Variants in ADAMTS17 observed in about 807,000 individuals in gnomAD.
The protein encoded by ADAMTS17 is ADAM metallopeptidase with thrombospondin type 1 motif 17, also known as A disintegrin and metalloproteinase with thrombospondin motifs 17.
Under a neutral mutation model 141.5 loss-of-function variants are expected in ADAMTS17, and 113 were observed. The observed-to-expected ratio is 0.80, with a 90% CI of 0.69 to 0.93. The LOEUF (loss-of-function observed/expected upper bound fraction) is 0.93. ADAMTS17 is among the 40% of genes least tolerant of loss of function. ADAMTS17 has a pLI of 0.00. For missense variants in ADAMTS17, 1,659 were observed against 1,517.9 expected (o/e 1.09, Z -1.54); for synonymous variants, 768 against 630.6 (o/e 1.22, Z -3.27).
chr15:100,090,839 C>A (rs996367362), intron 15 of ADAMTS17, among the ~76,000 whole-genome samples: 3 of 145,980 alleles, frequency 2.1e-5, no homozygotes, highest in Non-Finnish European at 4.6e-5. Flanking sequence ...AACCCCATCT[C>A]TACTAAATAA....
At chr15:100,096,822 C>A (rs1358102022) in intron 14 of ADAMTS17, among the ~76,000 whole-genome samples, 1 of 152,208 alleles carries the variant, frequency 6.6e-6, no homozygotes, top group Non-Finnish European at 1.5e-5. Context: ...GAAGCCTGAA[C>A]CCTCACACCA....
chr15:100,217,778 C>A (rs2042014740), intron 7 of ADAMTS17, among the ~76,000 whole-genome samples: 1 of 152,118 alleles, frequency 6.6e-6, no homozygotes, highest in African/African-American at 2.4e-5. Context: ...TGATATTTGC[C>A]AATCATCTAT....
Position 99,997,957 on chromosome 15 carries a change from T to C in ADAMTS17, c.2592-368A>G, listed in dbSNP as rs1462759437. Reference sequence around the variant, plus strand: ...GCTGGCGGCGTCCCGGCAGAAGCTCTGAATGTGGTTATGTGGTTTGGCTCT... The same window carrying C: ...GCTGGCGGCGTCCCGGCAGAAGCTCCGAATGTGGTTATGTGGTTTGGCTCT... On this transcript the variant is annotated intron_variant, in intron 18 of 21. Transcript: ENST00000268070. The surrounding 1 kb of genome is among the most constrained non-coding windows in gnomAD (Gnocchi z 4.7). 6.6e-6 allele frequency among the ~76,000 whole-genome samples: 1 copy of C among 152,230 alleles called. No homozygotes were observed. The highest frequency in any genetic ancestry group is 1.5e-5 in the Non-Finnish European group (1 of 68,036).
At chr15:100,288,094 G>A (rs915103666) in intron 3 of ADAMTS17, among the ~76,000 whole-genome samples, 1 of 152,198 alleles carries the variant, frequency 6.6e-6, no homozygotes, top group Non-Finnish European at 1.5e-5. Context: ...AGAAACAACT[G>A]TATGCTGTCT....
chr15:100,279,346 GGCCAGCCC>G (rs1282837854), intron 4 of ADAMTS17, among the ~76,000 whole-genome samples: 4 of 152,166 alleles, frequency 2.6e-5, no homozygotes, highest in Non-Finnish European at 5.9e-5. Context: ...CTGTGGCCTG[GGCCAGCCC>G]AGGCTCTGCA....
At chr15:100,259,866 C>G (rs1567444837) in intron 6 of ADAMTS17, among the ~76,000 whole-genome samples, 1 of 152,124 alleles carries the variant, frequency 6.6e-6, no homozygotes, top group African/African-American at 2.4e-5. Flanking sequence ...TCTTTTGAGA[C>G]AGAGTTTCAC....
At chr15:100,028,754 T>C (rs2029872503) in intron 18 of ADAMTS17, among the ~76,000 whole-genome samples, 1 of 152,220 alleles carries the variant, frequency 6.6e-6, no homozygotes, top group Non-Finnish European at 1.5e-5. Flanking sequence ...TGCTTCTGCT[T>C]CTCAGGGTTC....
chr15:100,174,930 C>T (rs1423019288), intron 8 of ADAMTS17, among the ~76,000 whole-genome samples: 3 of 152,112 alleles, frequency 2.0e-5, no homozygotes, highest in Non-Finnish European at 4.4e-5. Flanking sequence ...GTGTTCCATA[C>T]AAAAAAGCCT....
intron 3 of ADAMTS17, among the ~76,000 whole-genome samples, chr15:100,317,023 T>A (rs2045586787): frequency 6.6e-6 from 1 of 152,186 alleles, no homozygotes; most frequent in Non-Finnish European, 1.5e-5. Context: ...ATCATAGTTT[T>A]TAGAGTGATA....
chr15:100,174,961 G>T (rs2040284647), intron 8 of ADAMTS17, among the ~76,000 whole-genome samples: 1 of 152,110 alleles, frequency 6.6e-6, no homozygotes, highest in African/African-American at 2.4e-5. Context: ...ATAAAGGGTG[G>T]TACCAGCAGG....
intron 15 of ADAMTS17, among the ~76,000 whole-genome samples, chr15:100,087,018 A>C (rs944518974): frequency 6.6e-6 from 1 of 152,192 alleles, no homozygotes; most frequent in African/African-American, 2.4e-5. Context: ...AAATAGAGAC[A>C]CAAAAAACCC....
intron 3 of ADAMTS17, among the ~76,000 whole-genome samples, chr15:100,328,070 G>C (rs1442557921): frequency 6.6e-6 from 1 of 152,134 alleles, no homozygotes; most frequent in African/African-American, 2.4e-5. Flanking sequence ...CCATGTCCAA[G>C]GCTATCATAA....
rs534710550 is a variant in ADAMTS17, at chr15:99,993,657, C to G, written c.2797-457G>C. On this transcript the variant is annotated intron_variant, in intron 19 of 21. Coordinates refer to ENST00000268070, the MANE Select transcript of ADAMTS17 (RefSeq NM_139057.4). The surrounding 1 kb of genome is among the most constrained non-coding windows in gnomAD (Gnocchi z 4.3). ...TCCAGGTGCACATGCTGTGCTTGGA[C>G]CAGCCTGGGACAAACTCCTCGATCC... Among the ~76,000 whole-genome samples, 27 of 152,278 alleles carry G rather than the reference C, an allele frequency of 1.8e-4. No individual in the cohort carries two copies. The South Asian group carries it at 5.4e-3, about 30-fold the overall frequency.
rs558319785 is a variant in ADAMTS17 at position 100,309,308 on chromosome 15, G to C, written c.616+21581C>G. 5.3e-5 allele frequency among the ~76,000 whole-genome samples: 8 copies of C among 152,348 alleles called. No individual in the cohort carries two copies. The East Asian group carries it at 1.5e-3, about 29-fold the overall frequency. On this transcript the variant is annotated intron_variant, in intron 3 of 21. Coordinates refer to ENST00000268070, the MANE Select transcript of ADAMTS17 (RefSeq NM_139057.4). ...AGGAAGGTCGAGGCTGCAGTGAGCT[G>C]TGATTGTGCCACTGCACTCCAGACT...
intron 3 of ADAMTS17, among the ~76,000 whole-genome samples, chr15:100,309,053 C>T (rs550566752): frequency 1.4e-4 from 22 of 152,350 alleles, no homozygotes; most frequent in African/African-American, 4.6e-4. Flanking sequence ...AGAGGCTGGA[C>T]GCTGCATGCC....
At chr15:100,152,976 G>GAGAATACGTGCCTGGGA (rs2039257127) in intron 9 of ADAMTS17, among the ~76,000 whole-genome samples, 2 of 22,154 alleles carry the variant, frequency 9.0e-5, no homozygotes, top group Non-Finnish European at 3.5e-4. Flanking sequence ...TCGCTCTGAA[G>GAGAATACGTGCCTGGGA]GTAGTAAGAA....
intron 15 of ADAMTS17, among the ~76,000 whole-genome samples, chr15:100,075,431 C>A (rs1000734585): frequency 1.3e-5 from 2 of 152,140 alleles, no homozygotes; most frequent in Non-Finnish European, 2.9e-5. Flanking sequence ...TTGTCCTTAT[C>A]CTTGAATGTC....
chr15:100,048,589 A>ATT (rs3062438), intron 18 of ADAMTS17, among the ~76,000 whole-genome samples: 53 of 92,352 alleles, frequency 5.7e-4, no homozygotes, highest in East Asian at 1.0e-3. Context: ...GGTGATGGCC[A>ATT]TTTTTTTTTT....
intron 12 of ADAMTS17, among the ~76,000 whole-genome samples, chr15:100,127,227 C>A (rs758325610): frequency 6.6e-6 from 1 of 152,094 alleles, no homozygotes; most frequent in Non-Finnish European, 1.5e-5. Context: ...AGGGCCTTGG[C>A]AGATGTAATT....
Sources: allele counts gnomAD v4.1 joint callset (sites outside exome capture counted in the v4.1 genomes callset), GRCh38; gene constraint gnomAD v4.1.1; non-coding constraint Gnocchi (gnomAD v3.1); transcripts MANE v1.5; gene names NCBI Gene and HGNC (gene_info 2026-07-23, HGNC 2026-07-21).